Variants in SUCLG2 observed in about 807,000 individuals in gnomAD.
SUCLG2 encodes succinate--CoA ligase [GDP-forming] subunit beta, mitochondrial.
In SUCLG2, 42 loss-of-function variants were observed where a neutral mutation model predicts 47.9. That is an observed-to-expected ratio of 0.88 (90% CI 0.69 to 1.14). The LOEUF is 1.14. Among genes scored for constraint, SUCLG2 ranks in the 50% most tolerant of loss-of-function variants. The probability of loss-of-function intolerance (pLI) is 0.00; values close to 1 mark genes in which losing one functional copy is unlikely to be tolerated. For synonymous variants in SUCLG2, 195 were observed against 197.3 expected (o/e 0.99, Z 0.10); for missense variants, 571 against 525.9 (o/e 1.09, Z -0.84).
At chr3:67,419,392 C>T (rs1559519094) in intron 9 of SUCLG2, among the ~76,000 whole-genome samples, 3 of 152,116 alleles carry the variant, frequency 2.0e-5, no homozygotes, top group Admixed American at 6.5e-5. Context: ...AATTGGCTTA[C>T]AAACTACAGT....
At chr3:67,563,735 A>G (rs947450883) in intron 2 of SUCLG2, among the ~76,000 whole-genome samples, 2 of 152,066 alleles carry the variant, frequency 1.3e-5, no homozygotes, top group African/African-American at 4.8e-5. Context: ...CAAGGCGGGC[A>G]GATCACAAGG....
At chr3:67,607,163 C>A (rs1700433820) in intron 2 of SUCLG2, among the ~76,000 whole-genome samples, 1 of 152,128 alleles carries the variant, frequency 6.6e-6, no homozygotes, top group African/African-American at 2.4e-5. Flanking sequence ...CTGAAGGATG[C>A]ACATGCAAAT....
chr3:67,430,744 A>T (rs1703456049), intron 9 of SUCLG2, among the ~76,000 whole-genome samples: 1 of 152,202 alleles, frequency 6.6e-6, no homozygotes, highest in Non-Finnish European at 1.5e-5. Flanking sequence ...AATCAAATAG[A>T]TGCAATAAAA....
intron 9 of SUCLG2, among the ~76,000 whole-genome samples, chr3:67,435,087 G>C (rs1559525343): frequency 6.6e-6 from 1 of 151,986 alleles, no homozygotes; most frequent in African/African-American, 2.4e-5. Flanking sequence ...TGCTTGAGTG[G>C]GTAAACTACA....
chr3:67,369,712 T>G (rs1462002306), intron 10 of SUCLG2, among the ~76,000 whole-genome samples: 1 of 152,202 alleles, frequency 6.6e-6, no homozygotes. Flanking sequence ...ATTTATTAGC[T>G]CTGGATGGTG....
At position 67,489,732 on chromosome 3, in the gene SUCLG2, G is replaced by C. The variant is rs140618108; in HGVS notation, c.1062+6066C>G. Reference sequence around the variant, plus strand: ...AACACATGTGGTGTGTAATGAAATGGGTTTTGCTTTGTTACAATAAATTAA... The same window carrying C: ...AACACATGTGGTGTGTAATGAAATGCGTTTTGCTTTGTTACAATAAATTAA... On this transcript the variant is annotated intron_variant, in intron 9 of 10. Transcript: ENST00000307227. Among the ~76,000 whole-genome samples, 285 of 152,260 alleles carry C rather than the reference G, an allele frequency of 1.9e-3. 1 individual carries two copies. The highest frequency in any genetic ancestry group is 6.6e-3 in the African/African-American group (276 of 41,566).
intron 2 of SUCLG2, among the ~76,000 whole-genome samples, chr3:67,595,553 C>T (rs897280957): frequency 6.6e-6 from 1 of 152,094 alleles, no homozygotes; most frequent in Non-Finnish European, 1.5e-5. Context: ...AGGTAAGCAA[C>T]CTCATGAACA....
rs1215800514 is a variant in SUCLG2, at chr3:67,375,004, C to A, written c.*740G>T. The A allele has an allele frequency of 3.0e-6, 3 of 985,640 alleles. No individual in the cohort carries two copies. The highest frequency in any genetic ancestry group is 3.6e-6 in the Non-Finnish European group (3 of 829,916). 61.1% of individuals were successfully genotyped at this position (985,640 alleles called of 1,614,324 possible). ...TAATAACAGAGATTTCCATAAGAAT[C>A]AGGATTCATTTTTGACACAAAAATG... On this transcript the variant is annotated 3_prime_UTR_variant, in exon 11 of 11. Transcript: ENST00000307227.
At chr3:67,604,778 C>A (rs59016751) in intron 2 of SUCLG2, among the ~76,000 whole-genome samples, 104 of 152,268 alleles carry the variant, frequency 6.8e-4, no homozygotes, top group African/African-American at 2.1e-3. Flanking sequence ...AGAAAGAGAT[C>A]TGCGAGACAA....
intron 2 of SUCLG2, among the ~76,000 whole-genome samples, chr3:67,536,124 A>G (rs1706535369): frequency 6.6e-6 from 1 of 152,210 alleles, no homozygotes; most frequent in African/African-American, 2.4e-5. Context: ...AGGGAAGAAC[A>G]AAAGGTGGCA....
intron 6 of SUCLG2, among the ~76,000 whole-genome samples, chr3:67,510,889 CTTTT>C (rs369542916): frequency 1.6e-5 from 2 of 124,140 alleles, no homozygotes; most frequent in African/African-American, 3.0e-5. Context: ...TTAAATTGTT[CTTTT>C]TTTTTTTTTT....
chr3:67,632,704 G>A (rs893417413), intron 1 of SUCLG2, among the ~76,000 whole-genome samples: 5 of 152,138 alleles, frequency 3.3e-5, no homozygotes, highest in Non-Finnish European at 5.9e-5. Context: ...AAATCATAAG[G>A]TAGGTAAAGG....
intron 9 of SUCLG2, among the ~76,000 whole-genome samples, chr3:67,478,019 T>C (rs1261526371): frequency 6.6e-6 from 1 of 152,202 alleles, no homozygotes; most frequent in African/African-American, 2.4e-5. Flanking sequence ...ATGTCTACTT[T>C]ATAGATGAAG....
At chr3:67,372,901 G>A (rs781053793), downstream of SUCLG2, among the ~76,000 whole-genome samples, 15 of 152,206 alleles carry the variant, frequency 9.9e-5, no homozygotes, top group Middle Eastern at 3.4e-3. Flanking sequence ...AGGGTCATAA[G>A]GTTTCTATCA....
intron 2 of SUCLG2, among the ~76,000 whole-genome samples, chr3:67,563,203 C>T (rs190724022): frequency 1.3e-3 from 195 of 151,962 alleles, no homozygotes; most frequent in African/African-American, 4.5e-3. Context: ...ACCTTGGGTA[C>T]TCCCAAAACC....
At chr3:67,410,615 C>T (rs1333609802) in intron 9 of SUCLG2, among the ~76,000 whole-genome samples, 2 of 151,856 alleles carry the variant, frequency 1.3e-5, no homozygotes, top group South Asian at 2.1e-4. Flanking sequence ...TTTTTGAGTG[C>T]TGTGTGTTTA....
At chr3:67,457,065 T>C (rs896141384) in intron 9 of SUCLG2, among the ~76,000 whole-genome samples, 4 of 152,218 alleles carry the variant, frequency 2.6e-5, no homozygotes, top group African/African-American at 7.2e-5. Context: ...GTATGAACAT[T>C]AGACATGGAA....
At chr3:67,452,761 CTAAT>C (rs2106939571) in intron 9 of SUCLG2, among the ~76,000 whole-genome samples, 1 of 152,322 alleles carries the variant, frequency 6.6e-6, no homozygotes, top group East Asian at 1.9e-4. Context: ...ATAAATTCCT[CTAAT>C]TGTCATTCTG....
At chr3:67,587,695 T>C (rs534365636) in intron 2 of SUCLG2, among the ~76,000 whole-genome samples, 1 of 152,340 alleles carries the variant, frequency 6.6e-6, no homozygotes, top group South Asian at 2.1e-4. Flanking sequence ...AATAAGTTTT[T>C]TAATTGTACA....
Sources: gnomAD v4.1 joint callset for allele counts (sites outside exome capture counted in the v4.1 genomes callset) on GRCh38, gnomAD v4.1.1 for gene constraint, MANE v1.5 for transcripts, NCBI Gene and HGNC (gene_info 2026-07-23, HGNC 2026-07-21) for gene names.